ZNF764: variants seen among roughly 807,000 people sequenced by gnomAD.
ZNF764 encodes zinc finger protein 764.
A neutral mutation model predicts 13.9 loss-of-function variants in ZNF764; 10 were observed. That is an observed-to-expected ratio of 0.72 (90% confidence interval 0.44 to 1.22). The LOEUF is 1.22. Ranked by LOEUF, ZNF764 falls within the 50% of genes most tolerant of loss-of-function variation. The pLI, the probability that ZNF764 is intolerant of heterozygous loss-of-function variation, is 0.00. For synonymous variants in ZNF764, 313 were observed against 255.1 expected (o/e 1.23, Z -2.16); for missense variants, 647 against 589.7 (o/e 1.10, Z -1.01).
rs757124441 is a variant in ZNF764 at position 30,555,475 on chromosome 16, G to A, written c.943C>T (p.Pro315Ser). ...VRTHTGEKPY[P>S]CPDCGRCFRQ... ...AAGCAGCGCCCGCAGTCCGGGCACG[G>A]GTAGGGCTTCTCGCCGGTGTGGGTG... Residue 315 changes from proline (P) to serine (S), a missense_variant, in exon 3 of 3, where the codon CCG (proline) becomes TCG (serine). Physicochemically the swap from Pro to Ser is moderately conservative, Grantham distance 74 (BLOSUM62 -1). Transcript: ENST00000395091. The A allele has an allele frequency of 1.0e-5, 16 of 1,555,604 alleles. No individual in the cohort carries two copies. The highest frequency in any genetic ancestry group is 8.7e-6 in the Non-Finnish European group (10 of 1,154,812).
In ZNF764 at chr16:30,555,551, C is replaced by G; in HGVS notation, c.867G>C (p.Pro289=). ...GGTAGGCGAAGGCGCGGCCACAGTC[C>G]GGGCAGGGGAAGGGGGTCTCGCCGC... ...VHSGETPFPC[P]DCGRAFAYPS... Residue 289 remains proline, a synonymous_variant, in exon 3 of 3, where the codon CCG becomes CCC. Transcript: ENST00000395091. 1 of 1,531,420 alleles carries G rather than the reference C, an allele frequency of 6.5e-7. No homozygotes were observed. The allele number at this position is 1,531,420 out of a possible 1,614,324, so 94.9% of individuals were successfully genotyped here. A position where few individuals can be genotyped will look rare whatever the true frequency, so the allele number is the denominator to read the frequency against.
rs1597131249 is a variant in ZNF764, at chr16:30,555,040, G to A, written c.*154C>T. The A allele has an allele frequency of 2.3e-6, 2 of 869,106 alleles. No homozygotes were observed. The highest frequency in any genetic ancestry group is 3.4e-6 in the Non-Finnish European group (2 of 586,048). 53.8% of individuals were successfully genotyped at this position (869,106 alleles called of 1,614,324 possible). A position where few individuals can be genotyped will look rare whatever the true frequency, so the allele number is the denominator to read the frequency against. On this transcript the variant is annotated 3_prime_UTR_variant, in exon 3 of 3. Coordinates refer to ENST00000395091, the MANE Select transcript of ZNF764 (RefSeq NM_001172679.2). ...CAGTGGGGAGCAAGGTGCTGGCAGA[G>A]GAGGCTGCTAAGGGCCCAAGATCAG...
At chr16:30,557,001 G>A (rs1401519098) in intron 2 of ZNF764, among the ~76,000 whole-genome samples, 1 of 152,046 alleles carries the variant, frequency 6.6e-6, no homozygotes, top group African/African-American at 2.4e-5. Context: ...TTAGCCGGGC[G>A]TGGTGGCGGG....
At position 30,556,627 on chromosome 16, in the gene ZNF764, G is replaced by A. The variant is rs117838740; in HGVS notation, c.311-520C>T. ...GGCGGTAATCCCAGCGCTTTGGGAG[G>A]TAGAGAAGGAGGATCAGCCTAGGAT... On this transcript the variant is annotated intron_variant, in intron 2 of 2. Coordinates refer to ENST00000395091, the MANE Select transcript of ZNF764 (RefSeq NM_001172679.2). Among the ~76,000 whole-genome samples the A allele has an allele frequency of 3.9e-3, 594 of 152,168 alleles. 2 individuals are homozygous for A. Among genetic ancestry groups the A allele is most frequent in the Non-Finnish European group, 6.0e-3 (410 of 67,992 alleles).
Position 30,555,347 on chromosome 16 carries a change from C to T in ZNF764, c.1071G>A (p.Val357=). The stretch of plus-strand genomic sequence containing the variant: ...GCCGATGAACCCACTGGTGTTTGGC[C>T]ACGGCTGACTTCTGGCCAAAGCGGC... ...CGRRFGQKSA[V]AKHQWVHRPG... The change falls in exon 3 of 3, where the codon GTG becomes GTA. Residue 357 remains valine, a synonymous_variant. Transcript: ENST00000395091. 1 of 1,606,550 alleles carries T rather than the reference C, an allele frequency of 6.2e-7. No individual in the cohort carries two copies. Among genetic ancestry groups the T allele is most frequent in the South Asian group, 1.1e-5 (1 of 90,300 alleles).
intron 2 of ZNF764, among the ~76,000 whole-genome samples, chr16:30,557,111 G>C (rs2051563238): frequency 6.7e-6 from 1 of 149,706 alleles, no homozygotes; most frequent in African/African-American, 2.5e-5. Context: ...CTGCACTCCA[G>C]CCTGCGCGAC....
Position 30,555,389 on chromosome 16 carries a change from G to C in ZNF764, c.1029C>G (p.Pro343=), listed in dbSNP as rs776798405. The change falls in exon 3 of 3, where the codon CCC becomes CCG. Residue 343 remains proline (P), a synonymous_variant. Transcript: ENST00000395091. ...RRTHSGEKPY[P]CPQCGRRFGQ... ...CAAAGCGGCGGCCGCACTGCGGGCA[G>C]GGGTAGGGCTTCTCGCCGCTGTGGG... 2.2e-5 allele frequency: 35 copies of C among 1,581,696 alleles called. No individual in the cohort carries two copies. The highest frequency in any genetic ancestry group is 9.3e-5 in the East Asian group (4 of 43,082).
rs2151225410 is a variant in ZNF764, at chr16:30,555,937, G to A, written c.481C>T (p.Leu161Phe). The change falls in exon 3 of 3, where the codon CTC becomes TTC. Residue 161 changes from leucine to phenylalanine, a missense_variant. Leu to Phe is a conservative substitution (Grantham distance 22, BLOSUM62 0). Coordinates refer to ENST00000395091, the MANE Select transcript of ZNF764 (RefSeq NM_001172679.2). ...CGGGGGACAGGGGGGTGGGCACAGA[G>A]GGAGGGGCGTCCCCGGTGCGGTGCC... ...SKAPHRGRPS[L>F]CAHPPVPRAD... is the part of the protein sequence containing the mutation. 3 of 1,611,866 alleles carry A rather than the reference G, an allele frequency of 1.9e-6. No homozygotes were observed. The highest frequency in any genetic ancestry group is 4.5e-5 in the East Asian group (2 of 44,860).
At position 30,555,230 on chromosome 16, in the gene ZNF764, GA is replaced by G; in HGVS notation, c.1187del (p.Phe396SerfsTer86). 1 of 1,611,570 alleles carries G rather than the reference GA, an allele frequency of 6.2e-7. No homozygotes were observed. Among genetic ancestry groups the G allele is most frequent in the Non-Finnish European group, 8.5e-7 (1 of 1,178,954 alleles). ...GHGDLDPPVG[F>X]QLYPEIFQEC... is the part of the protein sequence containing the mutation. ...CCTGGAATATCTCCGGGTACAGCTGGAAGCCCACGGGCGGGTCCAGGTCTCC... is the reference window on the plus strand; with the variant it reads ...CCTGGAATATCTCCGGGTACAGCTGGAGCCCACGGGCGGGTCCAGGTCTCC... On this transcript the variant is annotated frameshift_variant, in exon 3 of 3. Coordinates refer to ENST00000395091, the MANE Select transcript of ZNF764 (RefSeq NM_001172679.2). LOFTEE classifies it high-confidence loss of function.
Position 30,556,142 on chromosome 16 carries a change from G to A in ZNF764, c.311-35C>T, listed in dbSNP as rs769016514. 3.1e-6 allele frequency: 5 copies of A among 1,605,408 alleles called. No individual in the cohort carries two copies. In the African/African-American group the frequency reaches 5.3e-5, roughly 17 times the overall value. ...GATAAAGAGGGGAGAGTTCAGGCTC[G>A]GCTCATCCTGGTCCTTGAATCCCAC... is the stretch of plus-strand genomic sequence containing the variant. On this transcript the variant is annotated intron_variant, in intron 2 of 2. Transcript: ENST00000395091.
At position 30,554,494 on chromosome 16, in the gene ZNF764, G is replaced by C. The variant is rs2051531032; in HGVS notation, c.*700C>G. The C allele has an allele frequency of 6.6e-6, 1 of 151,970 alleles. No individual in the cohort carries two copies. The highest frequency in any genetic ancestry group is 1.5e-5 in the Non-Finnish European group (1 of 68,102). 9.4% of individuals were successfully genotyped at this position (151,970 alleles called of 1,614,324 possible). Reference sequence around the variant, plus strand: ...ACACACACACACACACAAAGACAATGGAAGCCAGGCATGGTGGTAGCTCAC... The same window carrying C: ...ACACACACACACACACAAAGACAATCGAAGCCAGGCATGGTGGTAGCTCAC... On this transcript the variant is annotated 3_prime_UTR_variant, in exon 3 of 3. Coordinates refer to ENST00000395091, the MANE Select transcript of ZNF764 (RefSeq NM_001172679.2).
At position 30,557,727 on chromosome 16, in the gene ZNF764, C is replaced by T; in HGVS notation, c.310+6G>A. On this transcript the variant is annotated splice_donor_region_variant and intron_variant, in intron 2 of 2. Coordinates refer to ENST00000395091, the MANE Select transcript of ZNF764 (RefSeq NM_001172679.2). ...TCCCCATGGGACTGAGCACCCGATA[C>T]TCCACCTGGGTCCGTTTGTGTCTGA... is the stretch of plus-strand genomic sequence containing the variant. The T allele has an allele frequency of 6.2e-7, 1 of 1,613,490 alleles. No homozygotes were observed. Among genetic ancestry groups the T allele is most frequent in the African/African-American group, 1.3e-5 (1 of 75,030 alleles).
intron 2 of ZNF764, 60 bp downstream of exon 2, chr16:30,557,673 G>C: frequency 6.3e-7 from 1 of 1,593,642 alleles, no homozygotes; most frequent in Non-Finnish European, 8.6e-7. Flanking sequence ...GGTGGCAGAG[G>C]GTACCGGGAT....
At position 30,555,251 on chromosome 16, in the gene ZNF764, G is replaced by T. The variant is rs753048259; in HGVS notation, c.1167C>A (p.Asp389Glu). 6.2e-7 allele frequency: 1 copy of T among 1,612,396 alleles called. No individual in the cohort carries two copies. The highest frequency in any genetic ancestry group is 8.5e-7 in the Non-Finnish European group (1 of 1,179,346). ...LSVTLTPGHGDLDPPVGFQLY... is the reference protein window; with the variant it reads ...LSVTLTPGHGELDPPVGFQLY... ...GCTGGAAGCCCACGGGCGGGTCCAG[G>T]TCTCCGTGGCCAGGGGTCAGGGTCA... Residue 389 changes from aspartate to glutamate, a missense_variant, in exon 3 of 3, where the codon GAC becomes GAA. Physicochemically the swap from Asp to Glu is conservative, Grantham distance 45. Transcript: ENST00000395091.
rs189741629 is a variant in ZNF764, at chr16:30,554,974, T to A, written c.*220A>T. ...TTATGTAGGTCTGGGGGTTCTCAAC[T>A]CAGCCCTGCCTCAGTAGAGGGGGCC... On this transcript the variant is annotated 3_prime_UTR_variant, in exon 3 of 3. Transcript: ENST00000395091. 14 of 552,740 alleles carry A rather than the reference T, an allele frequency of 2.5e-5. No homozygotes were observed. The highest frequency in any genetic ancestry group is 4.3e-5 in the Non-Finnish European group (14 of 325,960). 34.2% of individuals were successfully genotyped at this position (552,740 alleles called of 1,614,324 possible).
chr16:30,558,281 C>A lies in ZNF764; in HGVS notation c.-99G>T. The A allele has an allele frequency of 1.4e-6, 2 of 1,385,974 alleles. No individual in the cohort carries two copies. Among genetic ancestry groups the A allele is most frequent in the Non-Finnish European group, 1.9e-6 (2 of 1,052,704 alleles). 85.9% of individuals were successfully genotyped at this position (1,385,974 alleles called of 1,614,324 possible). A position where few individuals can be genotyped will look rare whatever the true frequency, so the allele number is the denominator to read the frequency against. ...CGAGAAAGCCTCCCCGGCCCGGGCCCAAGGGAAGGAGGGAGGTTACTAGGG... is the reference window on the plus strand; with the variant it reads ...CGAGAAAGCCTCCCCGGCCCGGGCCAAAGGGAAGGAGGGAGGTTACTAGGG... On this transcript the variant is annotated 5_prime_UTR_variant, in exon 1 of 3. Transcript: ENST00000395091.
rs761316859 is a variant in ZNF764, at chr16:30,555,919, C to T, written c.499G>A (p.Val167Ile). The T allele has an allele frequency of 1.9e-6, 3 of 1,611,344 alleles. No individual in the cohort carries two copies. In the South Asian group the frequency reaches 3.3e-5, roughly 18 times the overall value. Residue 167 changes from valine to isoleucine, a missense_variant, in exon 3 of 3, where the codon GTC becomes ATC. By Grantham distance (29) the Val-to-Ile change is conservative. Coordinates refer to ENST00000395091, the MANE Select transcript of ZNF764 (RefSeq NM_001172679.2). ...CCATGACGCTGGTCAGCTCGGGGGA[C>T]AGGGGGGTGGGCACAGAGGGAGGGG... ...GRPSLCAHPP[V>I]PRADQRHGCY...
rs2151225065 is a variant in ZNF764 at position 30,555,523 on chromosome 16, AG to A, written c.894del (p.Ser299ArgfsTer83). ...GTGCGCACGTGGCGCCGCAGGTCCG[AG>A]GGGTAGGCGAAGGCGCGGCCACAGT... ...CPDCGRAFAY[P>X]SDLRRHVRTH... On this transcript the variant is annotated frameshift_variant, in exon 3 of 3. Transcript: ENST00000395091. LOFTEE classifies it low-confidence loss of function (END_TRUNC). 6.5e-7 allele frequency: 1 copy of A among 1,536,282 alleles called. No homozygotes were observed. The highest frequency in any genetic ancestry group is 2.3e-5 in the East Asian group (1 of 43,908).
In ZNF764 at chr16:30,554,881, A is replaced by G. The variant is rs2051534146; in HGVS notation, c.*313T>C. 1 of 360,580 alleles carries G rather than the reference A, an allele frequency of 2.8e-6. No homozygotes were observed. Among genetic ancestry groups the G allele is most frequent in the Non-Finnish European group, 4.9e-6 (1 of 202,834 alleles). The allele number at this position is 360,580 out of a possible 1,614,324, so 22.3% of individuals were successfully genotyped here. On this transcript the variant is annotated 3_prime_UTR_variant, in exon 3 of 3. Transcript: ENST00000395091. ...TAAAAAATTTAAAAAGACAATGGGT[A>G]AAACAAGGTTCTCCTCTACCTCAGT... is the stretch of plus-strand genomic sequence containing the variant.
Sources: gnomAD v4.1 joint callset for allele counts (sites outside exome capture counted in the v4.1 genomes callset) on GRCh38, gnomAD v4.1.1 for gene constraint, MANE v1.5 for transcripts, NCBI Gene and HGNC (gene_info 2026-07-23, HGNC 2026-07-21) for gene names.